The following NAALADL2 variants were observed in gnomAD, a reference collection of about 807,000 sequenced individuals.
The protein encoded by NAALADL2 is inactive N-acetylated-alpha-linked acidic dipeptidase-like protein 2.
In NAALADL2, 76 loss-of-function variants were observed where a neutral mutation model predicts 87.2. That is an observed-to-expected ratio of 0.87 (90% CI 0.72 to 1.05). NAALADL2 has a LOEUF of 1.05. Ranked by LOEUF, NAALADL2 falls within the 50% of genes least tolerant of loss-of-function variation. NAALADL2 has a pLI of 0.00. For synonymous variants in NAALADL2, 354 were observed against 331.0 expected, an observed-to-expected ratio of 1.07 and a Z score of -0.75; for missense variants, 1,089 against 945.8, an observed-to-expected ratio of 1.15 and a Z score of -1.99.
intron 1 of NAALADL2, chr3:175,059,631 GT>G: frequency 8.3e-6 from 3 of 360,418 alleles, no homozygotes; most frequent in South Asian, 2.6e-5. Context: ...ACAAGTGCAT[GT>G]TTTTTGGCTT....
At chr3:175,370,318 T>G (rs1473925340) in intron 5 of NAALADL2, among the ~76,000 whole-genome samples, 1 of 152,168 alleles carries the variant, frequency 6.6e-6, no homozygotes, top group African/African-American at 2.4e-5. Flanking sequence ...TTTTGGTTAT[T>G]TCTTTTAAAA....
intron 11 of NAALADL2, among the ~76,000 whole-genome samples, chr3:175,659,834 G>GTAA (rs1174530491): frequency 1.3e-5 from 2 of 152,100 alleles, no homozygotes; most frequent in African/African-American, 4.8e-5. Flanking sequence ...TCTTTGTTTT[G>GTAA]TAATGCTTTG....
At chr3:175,153,219 G>C (rs963454277) in intron 2 of NAALADL2, among the ~76,000 whole-genome samples, 1 of 152,102 alleles carries the variant, frequency 6.6e-6, no homozygotes, top group Non-Finnish European at 1.5e-5. Flanking sequence ...ATGGTGTCTA[G>C]CCTTTCCAGC....
At chr3:174,961,747 T>C (rs1010100646) in intron 1 of NAALADL2, among the ~76,000 whole-genome samples, 2 of 152,052 alleles carry the variant, frequency 1.3e-5, no homozygotes, top group African/African-American at 4.8e-5. Flanking sequence ...CTCACAGTTA[T>C]ATAATTACAT....
chr3:175,311,716 T>C (rs373543622), intron 4 of NAALADL2, among the ~76,000 whole-genome samples: 5 of 132,576 alleles, frequency 3.8e-5, no homozygotes, highest in Admixed American at 2.4e-4. Context: ...CCCTCCCTCC[T>C]TCCTTCCTTC....
At chr3:175,032,523 G>C (rs1255617292) in intron 1 of NAALADL2, among the ~76,000 whole-genome samples, 1 of 151,728 alleles carries the variant, frequency 6.6e-6, no homozygotes, top group Non-Finnish European at 1.5e-5. Context: ...TACCTATATA[G>C]AACTTGTACC....
intron 4 of NAALADL2, among the ~76,000 whole-genome samples, chr3:175,275,423 C>A (rs1185903676): frequency 6.6e-6 from 1 of 151,824 alleles, no homozygotes; most frequent in Non-Finnish European, 1.5e-5. Flanking sequence ...AAACTAAAAT[C>A]TCACATGGCC....
chr3:174,628,474 C>CA (rs5854584), intron 2 of NAALADL2, among the ~76,000 whole-genome samples: 5,868 of 86,418 alleles, frequency 0.068, 279 homozygotes, highest in African/African-American at 0.14. Flanking sequence ...GAGACTGTCT[C>CA]AAAAAAAAAA....
chr3:175,085,560 A>G (rs1718720823), intron 1 of NAALADL2, among the ~76,000 whole-genome samples: 1 of 152,208 alleles, frequency 6.6e-6, no homozygotes, highest in African/African-American at 2.4e-5. Context: ...AACCCTTTGC[A>G]GGATTATAAA....
chr3:175,165,025 A>G (rs1199836014), intron 2 of NAALADL2, among the ~76,000 whole-genome samples: 2 of 152,136 alleles, frequency 1.3e-5, no homozygotes, highest in Non-Finnish European at 2.9e-5. Flanking sequence ...GCTCTGGGCC[A>G]TGCAGTCCTG....
chr3:175,588,352 C>T (rs1720847051), intron 10 of NAALADL2, among the ~76,000 whole-genome samples: 3 of 151,800 alleles, frequency 2.0e-5, no homozygotes, highest in African/African-American at 4.8e-5. Flanking sequence ...GTGAGGTACT[C>T]AATACAGCAA....
Position 175,600,976 on chromosome 3 carries a change from T to C in NAALADL2, c.1800+24789T>C, listed in dbSNP as rs866348985. 2.0e-5 allele frequency among the ~76,000 whole-genome samples: 3 copies of C among 152,180 alleles called. No individual in the cohort carries two copies. In the South Asian group the frequency reaches 6.2e-4, roughly 31 times the overall value. Reference sequence around the variant, plus strand: ...CCAACGATTTTAAAGCAAATGTCTTTCCTCCTGTCAACCATTGCCTAATTT... The same window carrying C: ...CCAACGATTTTAAAGCAAATGTCTTCCCTCCTGTCAACCATTGCCTAATTT... On this transcript the variant is annotated intron_variant, in intron 10 of 13. Coordinates refer to ENST00000454872, the MANE Select transcript of NAALADL2 (RefSeq NM_207015.3).
chr3:175,199,716 T>C (rs534192558), intron 2 of NAALADL2, among the ~76,000 whole-genome samples: 29 of 148,180 alleles, frequency 2.0e-4, no homozygotes, highest in Non-Finnish European at 2.1e-4. Flanking sequence ...CTAGTTTCTC[T>C]ATATCTCACA....
At chr3:175,795,405 G>A (rs1390273713) in intron 13 of NAALADL2, among the ~76,000 whole-genome samples, 2 of 152,124 alleles carry the variant, frequency 1.3e-5, no homozygotes, top group African/African-American at 4.8e-5. Context: ...TGGGCGCGAT[G>A]GCTCATGCCT....
intron 1 of NAALADL2, among the ~76,000 whole-genome samples, chr3:174,983,463 G>C (rs533049056): frequency 6.6e-6 from 1 of 152,098 alleles, no homozygotes; most frequent in Non-Finnish European, 1.5e-5. Flanking sequence ...ACAAAATATC[G>C]TCAAGTGAGT....
intron 2 of NAALADL2, among the ~76,000 whole-genome samples, chr3:175,127,346 C>T (rs981788948): frequency 2.6e-5 from 4 of 151,974 alleles, no homozygotes; most frequent in African/African-American, 4.8e-5. Context: ...ATAAGGTATC[C>T]CTGCGGTAAT....
At chr3:174,801,377 T>G (rs1443461560) in intron 3 of NAALADL2, among the ~76,000 whole-genome samples, 1 of 152,186 alleles carries the variant, frequency 6.6e-6, no homozygotes, top group Non-Finnish European at 1.5e-5. Flanking sequence ...CCTGCTGCCA[T>G]CCATGTAAGA....
At chr3:175,157,072 T>C (rs1732431967) in intron 2 of NAALADL2, among the ~76,000 whole-genome samples, 1 of 151,962 alleles carries the variant, frequency 6.6e-6, no homozygotes, top group South Asian at 2.1e-4. Context: ...TCTTTCAGTC[T>C]TTTAGAAAGT....
At chr3:175,140,646 A>T (rs997616712) in intron 2 of NAALADL2, among the ~76,000 whole-genome samples, 1 of 152,160 alleles carries the variant, frequency 6.6e-6, no homozygotes, top group Non-Finnish European at 1.5e-5. Context: ...GAACGAAAAC[A>T]TTACGTTTGG....
Sources: allele counts gnomAD v4.1 joint callset (sites outside exome capture counted in the v4.1 genomes callset), GRCh38; gene constraint gnomAD v4.1.1; transcripts MANE v1.5; gene names NCBI Gene and HGNC (gene_info 2026-07-23, HGNC 2026-07-21).